Variants in TRPC7 observed in about 807,000 individuals in gnomAD.
The protein encoded by TRPC7 is short transient receptor potential channel 7.
TRPC7 carries 42 observed loss-of-function variants against 90.1 expected under a neutral mutation model. The observed-to-expected ratio is 0.47, with a 90% CI of 0.36 to 0.60. The LOEUF is 0.60. TRPC7 is among the 20% of genes least tolerant of loss of function. The pLI, the probability that TRPC7 is intolerant of heterozygous loss-of-function variation, is 0.00. For missense variants in TRPC7, 955 were observed against 1,112.3 expected, an observed-to-expected ratio of 0.86 and a Z score of 2.01; for synonymous variants, 451 against 436.3, an observed-to-expected ratio of 1.03 and a Z score of -0.42.
chr5:136,301,361 A>AC (rs1758379808), intron 3 of TRPC7, among the ~76,000 whole-genome samples: 2 of 61,056 alleles, frequency 3.3e-5, no homozygotes, highest in African/African-American at 1.1e-4. Flanking sequence ...TTTTTTTTTT[A>AC]ACAAATCATA....
At chr5:136,364,477 A>G (rs1760663298) in intron 1 of TRPC7, among the ~76,000 whole-genome samples, 1 of 152,182 alleles carries the variant, frequency 6.6e-6, no homozygotes, top group Admixed American at 6.6e-5. Context: ...GGTGCTTCAG[A>G]AATAAGACCC....
At chr5:136,327,451 G>T (rs886417813) in intron 2 of TRPC7, among the ~76,000 whole-genome samples, 64 of 152,302 alleles carry the variant, frequency 4.2e-4, no homozygotes, top group African/African-American at 1.4e-3. Context: ...CCTCAGGGCA[G>T]CCAGTCTTTA....
At chr5:136,352,315 A>G (rs1447150377) in intron 2 of TRPC7, among the ~76,000 whole-genome samples, 3 of 152,144 alleles carry the variant, frequency 2.0e-5, no homozygotes, top group Non-Finnish European at 4.4e-5. Flanking sequence ...TGCTGTTTCC[A>G]TAACTCAGTT....
chr5:136,299,496 T>C (rs1357886160), intron 3 of TRPC7, among the ~76,000 whole-genome samples: 2 of 151,874 alleles, frequency 1.3e-5, no homozygotes, highest in Non-Finnish European at 2.9e-5. Context: ...AAAACATAAA[T>C]TAAGCAAAAA....
rs1418393244 is a variant in TRPC7 at position 136,327,414 on chromosome 5, C to A, written c.781-11635G>T. Among the ~76,000 whole-genome samples the A allele has an allele frequency of 2.0e-5, 3 of 152,174 alleles. 1 individual carries two copies. The East Asian group carries it at 5.8e-4, about 29-fold the overall frequency. On this transcript the variant is annotated intron_variant, in intron 2 of 11. Transcript: ENST00000513104. ...AAGATTGGGGGCAAAACCACCTCCA[C>A]TTGAAAGGGCTGCAGGAACACTGTG...
At chr5:136,275,014 A>G (rs1219471400) in intron 3 of TRPC7, among the ~76,000 whole-genome samples, 177 bp from the exon 4 acceptor site, 1 of 152,110 alleles carries the variant, frequency 6.6e-6, no homozygotes, top group Admixed American at 6.5e-5. Context: ...TGACTTGGGG[A>G]TGCTAAGGAA....
At chr5:136,334,967 G>A (rs916507639) in intron 2 of TRPC7, among the ~76,000 whole-genome samples, 3 of 152,066 alleles carry the variant, frequency 2.0e-5, no homozygotes, top group East Asian at 1.9e-4. Flanking sequence ...TAAAAGCCCC[G>A]GGAGACATAG....
At chr5:136,307,338 C>T (rs946835879) in intron 3 of TRPC7, among the ~76,000 whole-genome samples, 9 of 152,148 alleles carry the variant, frequency 5.9e-5, no homozygotes, top group Admixed American at 2.0e-4. Context: ...CTACTCTCTA[C>T]TTCCATGAGT....
At chr5:136,216,359 C>A in intron 10 of TRPC7, 84 bp from the exon 11 acceptor site, 1 of 1,050,382 alleles carries the variant, frequency 9.5e-7, no homozygotes, top group South Asian at 1.4e-5. Flanking sequence ...CCCCTCCCTC[C>A]CTTGAAGAGC....
chr5:136,306,913 C>T (rs1758653537), intron 3 of TRPC7, among the ~76,000 whole-genome samples: 2 of 152,204 alleles, frequency 1.3e-5, no homozygotes, highest in Non-Finnish European at 2.9e-5. Flanking sequence ...AATCCACCAC[C>T]CTTCGCTGAC....
intron 2 of TRPC7, among the ~76,000 whole-genome samples, chr5:136,351,747 T>C (rs1396767308): frequency 6.6e-6 from 1 of 152,248 alleles, no homozygotes; most frequent in African/African-American, 2.4e-5. Flanking sequence ...TCTCTAGATA[T>C]CATAGCAGGT....
intron 1 of TRPC7, among the ~76,000 whole-genome samples, chr5:136,362,200 C>T (rs1760588833): frequency 6.6e-6 from 1 of 152,122 alleles, no homozygotes; most frequent in African/African-American, 2.4e-5. Flanking sequence ...AATAAATTAT[C>T]TTCTGATAAG....
intron 1 of TRPC7, among the ~76,000 whole-genome samples, chr5:136,362,318 A>ATTTATTTATTCATTTATT (rs1760591948): frequency 6.6e-6 from 1 of 152,134 alleles, no homozygotes; most frequent in African/African-American, 2.4e-5. Flanking sequence ...TGTCATTTAT[A>ATTTATTTATTCATTTATT]TTTATTTATT....
intron 2 of TRPC7, among the ~76,000 whole-genome samples, chr5:136,352,043 A>T (rs1760207625): frequency 6.6e-6 from 1 of 152,208 alleles, no homozygotes; most frequent in African/African-American, 2.4e-5. Context: ...TTTTGTCAAC[A>T]GGAAGAGCCT....
At position 136,365,395 on chromosome 5, in the gene TRPC7, T is replaced by C. The variant is rs1377518498; in HGVS notation, c.-141A>G. Reference sequence around the variant, plus strand: ...TGAAGTATAGAGCTGGTCAAGTGAGTTAAGTTGCAACGATGTGAAAGCGCG... The same window carrying C: ...TGAAGTATAGAGCTGGTCAAGTGAGCTAAGTTGCAACGATGTGAAAGCGCG... On this transcript the variant is annotated 5_prime_UTR_variant, in exon 1 of 12. Transcript: ENST00000513104. 1 of 864,000 alleles carries C rather than the reference T, an allele frequency of 1.2e-6. No homozygotes were observed. The highest frequency in any genetic ancestry group is 2.7e-5 in the East Asian group (1 of 37,674). The allele number at this position is 864,000 out of a possible 1,614,324, so 53.5% of individuals were successfully genotyped here.
At position 136,349,385 on chromosome 5, in the gene TRPC7, A is replaced by C. The variant is rs114730249; in HGVS notation, c.780+7223T>G. On this transcript the variant is annotated intron_variant, in intron 2 of 11. Transcript: ENST00000513104. ...GACCCTCTGAATAGAGGAGGTGCTG[A>C]ATTTTAAGCCGTGTTACTGGGAGGA... Among the ~76,000 whole-genome samples the C allele has an allele frequency of 4.7e-3, 712 of 152,272 alleles. 7 individuals are homozygous for C. The highest frequency in any genetic ancestry group is 0.017 in the African/African-American group (688 of 41,554).
chr5:136,357,128 C>G lies in TRPC7; in HGVS notation c.260G>C (p.Gly87Ala). Residue 87 changes from glycine to alanine, a missense_variant, in exon 2 of 12, where the codon GGC becomes GCC. By Grantham distance (60) the Gly-to-Ala change is moderately conservative (BLOSUM62 0). This residue lies in a region of TRPC7 where 161 missense variants were observed against 145.7 expected (regional missense o/e 1.10). Transcript: ENST00000513104. Reference protein sequence around the residue: ...MGQNALQLAVGNEHLEVTELL... With the variant: ...MGQNALQLAVANEHLEVTELL... ...CTCCGTGACCTCTAGGTGCTCGTTG[C>G]CCACGGCCAGCTGCAGAGCGTTCTG... The G allele has an allele frequency of 6.2e-7, 1 of 1,614,134 alleles. No individual in the cohort carries two copies. The highest frequency in any genetic ancestry group is 8.5e-7 in the Non-Finnish European group (1 of 1,180,026).
intron 3 of TRPC7, among the ~76,000 whole-genome samples, chr5:136,308,513 A>G (rs951265777): frequency 4.6e-5 from 7 of 152,216 alleles, no homozygotes; most frequent in African/African-American, 1.7e-4. Context: ...AGGGCATGTG[A>G]GTGTCTGACT....
At chr5:136,321,787 A>G (rs1759207250) in intron 2 of TRPC7, among the ~76,000 whole-genome samples, 1 of 152,124 alleles carries the variant, frequency 6.6e-6, no homozygotes, top group Non-Finnish European at 1.5e-5. Flanking sequence ...TGCCTTACAA[A>G]TGGACTGATG....
Sources: allele counts gnomAD v4.1 joint callset (sites outside exome capture counted in the v4.1 genomes callset), GRCh38; gene constraint gnomAD v4.1.1; regional missense constraint gnomAD v4.1.1; transcripts MANE v1.5; gene names NCBI Gene and HGNC (gene_info 2026-07-23, HGNC 2026-07-21).